RTEL1: variants seen among roughly 807,000 people sequenced by gnomAD.
The protein encoded by RTEL1 is regulator of telomere length.
Under a neutral mutation model 162.2 loss-of-function variants are expected in RTEL1, and 86 were observed. The ratio of observed to expected loss-of-function variants is 0.53; its 90% CI spans 0.45 to 0.63. The LOEUF is 0.63. RTEL1 is among the 30% of genes least tolerant of loss of function. The pLI is 0.00. For missense variants in RTEL1, 1,941 were observed against 1,750.2 expected (o/e 1.11, Z -1.95); for synonymous variants, 958 against 717.9 (o/e 1.33, Z -5.35).
At chr20:63,663,879 GAC>G (rs2090070468) in intron 6 of RTEL1, among the ~76,000 whole-genome samples, 1 of 152,220 alleles carries the variant, frequency 6.6e-6, no homozygotes, top group Non-Finnish European at 1.5e-5. Context: ...CCCTGGCAGA[GAC>G]TGAGCCAGGT....
intron 29 of RTEL1, 53 bp from the exon 30 acceptor site, chr20:63,693,090 C>G (rs1004560650): frequency 1.9e-6 from 3 of 1,611,604 alleles, no homozygotes; most frequent in South Asian, 2.2e-5. Flanking sequence ...AAGGTGGTCT[C>G]TGTTCTCTAG....
intron 26 of RTEL1, 48 bp downstream of exon 26, chr20:63,690,489 G>A (rs762104728): frequency 2.2e-6 from 3 of 1,371,700 alleles, no homozygotes; most frequent in South Asian, 1.4e-5. Flanking sequence ...GGCGGAGCGG[G>A]CGGCGTGGGG....
Position 63,686,188 on chromosome 20 carries a change from C to T in RTEL1, c.1348+316C>T, listed in dbSNP as rs1010856286. 11 of 453,940 alleles carry T rather than the reference C, an allele frequency of 2.4e-5. No individual in the cohort carries two copies. The Admixed American group carries it at 3.7e-4, about 15-fold the overall frequency. The allele number at this position is 453,940 out of a possible 1,614,324, so 28.1% of individuals were successfully genotyped here. On this transcript the variant is annotated intron_variant, in intron 16 of 34. Transcript: ENST00000360203. Reference sequence around the variant, plus strand: ...TGCCGAGGCCGTCAGCACAGAGCCTCCACAGTGAGGCACGGCTCTGCCTGC... The same window carrying T: ...TGCCGAGGCCGTCAGCACAGAGCCTTCACAGTGAGGCACGGCTCTGCCTGC...
rs748374367 is a variant in RTEL1, at chr20:63,688,397, CCT to C, written c.1722+12_1722+13del. The C allele has an allele frequency of 8.7e-6, 14 of 1,612,150 alleles. No homozygotes were observed. The East Asian group carries it at 2.2e-4, about 26-fold the overall frequency. On this transcript the variant is annotated intron_variant, in intron 20 of 34. Transcript: ENST00000360203. ...CTGGAGTTCTGGCGGGTGCGTCTCC[CCT>C]GTGTTCTGGGCGGGGTGGGTGAGGG...
At chr20:63,664,205 C>T (rs970942865) in intron 6 of RTEL1, among the ~76,000 whole-genome samples, 16 of 152,162 alleles carry the variant, frequency 1.1e-4, no homozygotes, top group Admixed American at 3.3e-4. Context: ...GACTCTGGGA[C>T]GGGGGGTTGG....
chr20:63,684,014 T>A (rs1054884074), intron 14 of RTEL1, among the ~76,000 whole-genome samples: 6 of 148,322 alleles, frequency 4.0e-5, no homozygotes, highest in Non-Finnish European at 8.9e-5. Flanking sequence ...ATTTTTTCCA[T>A]TTTCATGACA....
Position 63,661,592 on chromosome 20 carries a change from T to C in RTEL1, c.301+96T>C. On this transcript the variant is annotated intron_variant, in intron 3 of 34. Transcript: ENST00000360203. The surrounding 1 kb of genome is among the most constrained non-coding windows in gnomAD (Gnocchi z 5.1). The stretch of plus-strand genomic sequence containing the variant: ...GGTGGGCCCATGGGGACTCCTGCCG[T>C]CTCTCAAGCAGAACTCAAGGAGAAT... The C allele has an allele frequency of 8.0e-7, 1 of 1,247,434 alleles. No homozygotes were observed. Among genetic ancestry groups the C allele is most frequent in the South Asian group, 1.4e-5 (1 of 72,626 alleles). 77.3% of individuals were successfully genotyped at this position (1,247,434 alleles called of 1,614,324 possible). A position where few individuals can be genotyped will look rare whatever the true frequency, so the allele number is the denominator to read the frequency against.
Position 63,687,947 on chromosome 20 carries a change from G to A in RTEL1, c.1492G>A (p.Val498Ile). The change falls in exon 18 of 35, where the codon GTC (valine) becomes ATC (isoleucine). Residue 498 changes from valine to isoleucine, a missense_variant. Transcript: ENST00000360203. ...TCTGGCCACGCTCAGCCCTTTCCCA[G>A]TCTGCCTGGAGAACCCACACATCAT... Reference protein sequence around the residue: ...FALEMQIPFPVCLENPHIIDK... With the variant: ...FALEMQIPFPICLENPHIIDK... The A allele has an allele frequency of 6.2e-7, 1 of 1,612,634 alleles. No homozygotes were observed. The highest frequency in any genetic ancestry group is 8.5e-7 in the Non-Finnish European group (1 of 1,179,868).
In RTEL1 at chr20:63,689,787, C is replaced by G. The variant is rs773265745; in HGVS notation, c.2063C>G (p.Ser688Cys). 17 of 1,612,104 alleles carry G rather than the reference C, an allele frequency of 1.1e-5. No homozygotes were observed. Among genetic ancestry groups the G allele is most frequent in the Non-Finnish European group, 1.4e-5 (16 of 1,179,786 alleles). ...CAGGAGTGGTACCGGCAGCAGGCGT[C>G]CAGGGCTGTGAACCAGGCCATCGGG... Reference protein sequence around the residue: ...SGQEWYRQQASRAVNQAIGRV... With the variant: ...SGQEWYRQQACRAVNQAIGRV... The change falls in exon 24 of 35, where the codon TCC becomes TGC. Residue 688 changes from serine to cysteine, a missense_variant. Coordinates refer to ENST00000360203, the MANE Select transcript of RTEL1 (RefSeq NM_001283009.2).
intron 14 of RTEL1, chr20:63,681,161 C>T (rs1216179568): frequency 1.1e-5 from 11 of 985,378 alleles, no homozygotes; most frequent in Non-Finnish European, 1.3e-5. Context: ...TCCCTGGGAG[C>T]CCATGATTGG....
At chr20:63,693,921 G>T (rs971953818) in intron 30 of RTEL1, among the ~76,000 whole-genome samples, 3 of 150,884 alleles carry the variant, frequency 2.0e-5, no homozygotes, top group African/African-American at 4.9e-5. Context: ...ACACGCCAGG[G>T]TCCTAGGGTC....
At chr20:63,667,006 A>AT (rs1339121448) in intron 7 of RTEL1, among the ~76,000 whole-genome samples, 6 of 150,894 alleles carry the variant, frequency 4.0e-5, no homozygotes, top group African/African-American at 7.3e-5. Context: ...CGTCTGGCTA[A>AT]TTTTCTGTAT....
Position 63,662,889 on chromosome 20 carries a change from G to A in RTEL1, c.538G>A (p.Glu180Lys). ...RSCHFYNNVE[E>K]KSLEQELASP... ...CTGTCATTTCTACAACAACGTAGAA[G>A]GTACAAGCAGCTGGGTGGGACCAGG... is the stretch of plus-strand genomic sequence containing the variant. Residue 180 changes from glutamate to lysine, a missense_variant and splice_region_variant, in exon 6 of 35, where the codon GAA becomes AAA. Glu to Lys is a moderately conservative substitution (Grantham distance 56, BLOSUM62 1). Coordinates refer to ENST00000360203, the MANE Select transcript of RTEL1 (RefSeq NM_001283009.2). 1.2e-6 allele frequency: 2 copies of A among 1,613,754 alleles called. No homozygotes were observed. The highest frequency in any genetic ancestry group is 1.7e-6 in the Non-Finnish European group (2 of 1,179,756).
chr20:63,693,875 C>A (rs900044280), intron 30 of RTEL1, among the ~76,000 whole-genome samples: 3 of 150,110 alleles, frequency 2.0e-5, no homozygotes, highest in African/African-American at 7.4e-5. Flanking sequence ...CCACACGTCC[C>A]CTGCCTCCCA....
chr20:63,662,058 G>A (rs1286030535), intron 4 of RTEL1, 115 bp downstream of exon 4: 38 of 861,752 alleles, frequency 4.4e-5, no homozygotes, highest in South Asian at 3.1e-4. Context: ...CTTTCTAGAC[G>A]CTCCCCCGAA....
intron 14 of RTEL1, among the ~76,000 whole-genome samples, chr20:63,683,496 C>T (rs1024236889): frequency 6.6e-6 from 1 of 152,246 alleles, no homozygotes; most frequent in African/African-American, 2.4e-5. Context: ...GGCACGTGCA[C>T]ATGCATGCAG....
rs1268575930 is a variant in RTEL1, at chr20:63,674,012, G to C, written c.838G>C (p.Asp280His). ...CCTGGCTTCAGGACTGGACGTCATA[G>C]ACCAGGTGCTGGAGGAGCAGACCAA... Reference protein sequence around the residue: ...HDLASGLDVIDQVLEEQTKAA... With the variant: ...HDLASGLDVIHQVLEEQTKAA... Residue 280 changes from aspartate (D) to histidine (H), a missense_variant, in exon 10 of 35, where the codon GAC becomes CAC. Transcript: ENST00000360203. 6.2e-7 allele frequency: 1 copy of C among 1,614,026 alleles called. No homozygotes were observed. The highest frequency in any genetic ancestry group is 8.5e-7 in the Non-Finnish European group (1 of 1,180,036).
At chr20:63,681,010 C>G in intron 14 of RTEL1, 2 of 985,404 alleles carry the variant, frequency 2.0e-6, no homozygotes, top group South Asian at 9.4e-5. Context: ...TGTCCGGGCC[C>G]TCAGGCCAGG....
At chr20:63,664,362 C>T (rs1601091928) in intron 6 of RTEL1, among the ~76,000 whole-genome samples, 1 of 152,168 alleles carries the variant, frequency 6.6e-6, no homozygotes, top group Non-Finnish European at 1.5e-5. Flanking sequence ...TGGGCCTGGC[C>T]GGCCGTGGTC....
Sources: gnomAD v4.1 joint callset for allele counts (sites outside exome capture counted in the v4.1 genomes callset) on GRCh38, gnomAD v4.1.1 for gene constraint, Gnocchi (gnomAD v3.1) non-coding constraint, MANE v1.5 for transcripts, NCBI Gene and HGNC (gene_info 2026-07-23, HGNC 2026-07-21) for gene names.